The following THEMIS variants were observed in gnomAD, a reference collection of about 807,000 sequenced individuals.
The protein encoded by THEMIS is thymocyte selection associated.
THEMIS carries 37 observed loss-of-function variants against 52.6 expected under a neutral mutation model. That is an observed-to-expected ratio of 0.70 (90% confidence interval 0.54 to 0.93). The LOEUF (loss-of-function observed/expected upper bound fraction) is 0.93. Ranked by LOEUF, THEMIS falls within the 40% of genes least tolerant of loss-of-function variation. The pLI, the probability that THEMIS is intolerant of heterozygous loss-of-function variation, is 0.00. For synonymous variants in THEMIS, 292 were observed against 272.7 expected (o/e 1.07, Z -0.70); for missense variants, 808 against 763.1 (o/e 1.06, Z -0.69).
chr6:127,838,110 G>A (rs1778931193), intron 2 of THEMIS, among the ~76,000 whole-genome samples: 1 of 152,018 alleles, frequency 6.6e-6, no homozygotes, highest in Non-Finnish European at 1.5e-5. Flanking sequence ...AAGACTAAAT[G>A]TACCTGTGTC....
chr6:127,832,063 A>C (rs1202090685), intron 2 of THEMIS, among the ~76,000 whole-genome samples: 2 of 152,206 alleles, frequency 1.3e-5, no homozygotes, highest in African/African-American at 2.4e-5. Flanking sequence ...CTAAAATCTC[A>C]TAAAAGGTAG....
chr6:127,707,965 C>T (rs1387660120), downstream of THEMIS: 1 of 152,042 alleles, frequency 6.6e-6, no homozygotes, highest in East Asian at 1.9e-4. Flanking sequence ...TGGCACCTAT[C>T]TATGCAGCTT....
intron 4 of THEMIS, among the ~76,000 whole-genome samples, chr6:127,727,860 C>T (rs977803755): frequency 3.7e-4 from 57 of 152,254 alleles, no homozygotes; most frequent in African/African-American, 1.2e-3. Context: ...TTAAGCCTGG[C>T]ACCATTTCTT....
intron 4 of THEMIS, among the ~76,000 whole-genome samples, chr6:127,797,392 T>C (rs1777365200): frequency 6.6e-6 from 1 of 152,188 alleles, no homozygotes; most frequent in African/African-American, 2.4e-5. Flanking sequence ...AGGAAATATA[T>C]GCACTAGTCA....
At chr6:127,739,711 A>C (rs924002234) in intron 4 of THEMIS, among the ~76,000 whole-genome samples, 3 of 152,192 alleles carry the variant, frequency 2.0e-5, no homozygotes, top group African/African-American at 7.2e-5. Context: ...TAAATGAAGA[A>C]CCAGCCAGTT....
At chr6:127,809,315 A>C (rs1261774029) in intron 4 of THEMIS, among the ~76,000 whole-genome samples, 1 of 152,184 alleles carries the variant, frequency 6.6e-6, no homozygotes, top group East Asian at 1.9e-4. Context: ...AAAGAAACAT[A>C]AAAGGAATAT....
chr6:127,821,471 T>C (rs553236012), intron 3 of THEMIS, among the ~76,000 whole-genome samples: 1 of 152,084 alleles, frequency 6.6e-6, no homozygotes, highest in Non-Finnish European at 1.5e-5. Context: ...CAGAATTTCT[T>C]TGTGAGTGAA....
At chr6:127,734,707 A>G (rs1774927924) in intron 4 of THEMIS, among the ~76,000 whole-genome samples, 1 of 151,398 alleles carries the variant, frequency 6.6e-6, no homozygotes, top group African/African-American at 2.4e-5. Context: ...CCTCTCTACT[A>G]AAAATACAAA....
intron 4 of THEMIS, among the ~76,000 whole-genome samples, chr6:127,759,849 TC>T (rs1562240005): frequency 2.8e-4 from 20 of 70,576 alleles, no homozygotes; most frequent in African/African-American, 9.7e-4. Context: ...CCTCCCTCCC[TC>T]CCTCCCTCCT....
At chr6:127,779,500 CATTTT>C (rs1776674652) in intron 4 of THEMIS, among the ~76,000 whole-genome samples, 1 of 152,128 alleles carries the variant, frequency 6.6e-6, no homozygotes, top group African/African-American at 2.4e-5. Flanking sequence ...TTACTTCCCT[CATTTT>C]ATTTTGCTCA....
chr6:127,798,311 A>AGTT (rs1777400358), intron 4 of THEMIS, among the ~76,000 whole-genome samples: 1 of 152,242 alleles, frequency 6.6e-6, no homozygotes, highest in African/African-American at 2.4e-5. Flanking sequence ...AAAAAAATAA[A>AGTT]AGATCACTGA....
intron 4 of THEMIS, among the ~76,000 whole-genome samples, chr6:127,744,403 A>G (rs535697674): frequency 6.6e-6 from 1 of 152,222 alleles, no homozygotes; most frequent in East Asian, 1.9e-4. Flanking sequence ...CATTATTCAC[A>G]ATAGTCAGAT....
intron 3 of THEMIS, among the ~76,000 whole-genome samples, chr6:127,818,347 T>C (rs1475143343): frequency 6.6e-6 from 1 of 152,014 alleles, no homozygotes; most frequent in Non-Finnish European, 1.5e-5. Flanking sequence ...TCCTGTATAA[T>C]AACAGGAAAC....
intron 1 of THEMIS, among the ~76,000 whole-genome samples, chr6:127,881,927 T>C (rs1780495798): frequency 6.6e-6 from 1 of 151,628 alleles, no homozygotes; most frequent in African/African-American, 2.4e-5. Flanking sequence ...TTTATTGACT[T>C]CTACTATATA....
chr6:127,875,362 G>A (rs1427342688), intron 1 of THEMIS, among the ~76,000 whole-genome samples: 1 of 152,214 alleles, frequency 6.6e-6, no homozygotes, highest in African/African-American at 2.4e-5. Flanking sequence ...GTGCATACAA[G>A]GTGAAGTAGT....
chr6:127,753,888 T>C (rs1207187788), intron 4 of THEMIS, among the ~76,000 whole-genome samples: 1 of 151,948 alleles, frequency 6.6e-6, no homozygotes, highest in African/African-American at 2.4e-5. Context: ...AGAGGATAGA[T>C]CTTATAATAA....
At chr6:127,812,676 T>A (rs1777949647) in intron 4 of THEMIS, among the ~76,000 whole-genome samples, 1 of 152,196 alleles carries the variant, frequency 6.6e-6, no homozygotes, top group Non-Finnish European at 1.5e-5. Context: ...TCCAATTCAA[T>A]ATTAAACTTC....
chr6:127,826,932 C>T (rs1778527516), intron 3 of THEMIS, among the ~76,000 whole-genome samples: 1 of 151,682 alleles, frequency 6.6e-6, no homozygotes, highest in Non-Finnish European at 1.5e-5. Flanking sequence ...TTCATTTAAA[C>T]ATTTTTATTT....
chr6:127,760,964 A>G (rs973591423), intron 4 of THEMIS, among the ~76,000 whole-genome samples: 15 of 152,158 alleles, frequency 9.9e-5, no homozygotes, highest in African/African-American at 3.6e-4. Flanking sequence ...TCAAACTAAA[A>G]AAGCTTCTGC....
Sources: allele counts gnomAD v4.1 joint callset (sites outside exome capture counted in the v4.1 genomes callset), GRCh38; gene constraint gnomAD v4.1.1; transcripts MANE v1.5; gene names NCBI Gene and HGNC (gene_info 2026-07-23, HGNC 2026-07-21).